BCL11A: variants seen among roughly 807,000 people sequenced by gnomAD.
BCL11A encodes the protein BCL11 transcription factor A, also known as B cell CLL/lymphoma 11A.
A neutral mutation model predicts 55.9 loss-of-function variants in BCL11A; 2 were observed. That is an observed-to-expected ratio of 0.04 (90% CI 0.01 to 0.11). The LOEUF is 0.11. BCL11A is among the 10% of genes least tolerant of loss of function. BCL11A has a pLI of 1.00. For synonymous variants in BCL11A, 465 were observed against 473.4 expected, an observed-to-expected ratio of 0.98 and a Z score of 0.23; for missense variants, 817 against 1,137.1, an observed-to-expected ratio of 0.72 and a Z score of 4.05.
intron 2 of BCL11A, chr2:60,537,082 C>A (rs1272173883): frequency 6.6e-6 from 1 of 152,200 alleles, no homozygotes; most frequent in Non-Finnish European, 1.5e-5. Flanking sequence ...TTTGAAGCTG[C>A]TCAAATGTTT....
chr2:60,475,175 TCATC>T (rs1677509885), intron 2 of BCL11A, among the ~76,000 whole-genome samples: 1 of 152,236 alleles, frequency 6.6e-6, no homozygotes, highest in South Asian at 2.1e-4. Flanking sequence ...GCACACTGAT[TCATC>T]CAGTTGACAG....
chr2:60,471,787 A>AC (rs1028601007), intron 2 of BCL11A, among the ~76,000 whole-genome samples: 15 of 152,162 alleles, frequency 9.9e-5, no homozygotes, highest in Admixed American at 2.0e-4. Context: ...CACAGCGCAG[A>AC]CCCAGGCCCA....
intron 2 of BCL11A, chr2:60,524,848 G>A (rs1200436745): frequency 6.6e-6 from 1 of 152,158 alleles, no homozygotes; most frequent in Non-Finnish European, 1.5e-5. Flanking sequence ...AATGGTATTT[G>A]CTGGACAGTG....
intron 3 of BCL11A, among the ~76,000 whole-genome samples, chr2:60,467,860 G>C (rs1388650367): frequency 2.6e-5 from 3 of 116,862 alleles, no homozygotes; most frequent in African/African-American, 3.2e-5. Context: ...TACTGGTGGT[G>C]ATGGTACTGG....
intron 2 of BCL11A, among the ~76,000 whole-genome samples, chr2:60,505,379 C>T (rs1165257164): frequency 6.6e-6 from 1 of 152,224 alleles, no homozygotes; most frequent in African/African-American, 2.4e-5. Context: ...TTTGTCAGGA[C>T]TTGTAGGTGA....
chr2:60,515,907 G>C (rs945267613), intron 2 of BCL11A, among the ~76,000 whole-genome samples: 3 of 152,202 alleles, frequency 2.0e-5, no homozygotes, highest in Non-Finnish European at 4.4e-5. Context: ...AAGTGAACAA[G>C]TCAATTCGAG....
intron 2 of BCL11A, among the ~76,000 whole-genome samples, chr2:60,507,954 C>T (rs1424586037): frequency 1.3e-5 from 2 of 152,148 alleles, no homozygotes; most frequent in African/African-American, 2.4e-5. Context: ...ACATATTACA[C>T]ACGCAGATTT....
intron 2 of BCL11A, among the ~76,000 whole-genome samples, chr2:60,515,581 T>C (rs1668693728): frequency 1.3e-5 from 2 of 152,168 alleles, no homozygotes; most frequent in Non-Finnish European, 2.9e-5. Context: ...CCTTCCTAGT[T>C]ACCTAGAAAA....
chr2:60,498,509 C>CA (rs1386490528), intron 2 of BCL11A, among the ~76,000 whole-genome samples: 4 of 152,244 alleles, frequency 2.6e-5, no homozygotes, highest in Admixed American at 6.5e-5. Flanking sequence ...ACCAGGAAGG[C>CA]AATGGGCTGC....
rs1676095135 is a variant in BCL11A at position 60,459,159 on chromosome 2, C to G, written c.*1245G>C. ...ATTATTTTCTTCTGTTCCCCTCTGTCAAACCTTATTGTCAGCCTCTTCCTT... is the reference window on the plus strand; with the variant it reads ...ATTATTTTCTTCTGTTCCCCTCTGTGAAACCTTATTGTCAGCCTCTTCCTT... On this transcript the variant is annotated 3_prime_UTR_variant, in exon 4 of 4. Transcript: ENST00000642384. 9.8e-7 allele frequency: 1 copy of G among 1,024,300 alleles called. No homozygotes were observed. The highest frequency in any genetic ancestry group is 5.8e-5 in the Admixed American group (1 of 17,306). The allele number at this position is 1,024,300 out of a possible 1,614,324, so 63.5% of individuals were successfully genotyped here.
At chr2:60,512,785 T>C (rs1668538177) in intron 2 of BCL11A, among the ~76,000 whole-genome samples, 1 of 152,216 alleles carries the variant, frequency 6.6e-6, no homozygotes, top group Non-Finnish European at 1.5e-5. Context: ...GTTTATTCTC[T>C]TTTAGTGTCT....
intron 2 of BCL11A, among the ~76,000 whole-genome samples, chr2:60,517,149 T>A (rs1668768392): frequency 6.6e-6 from 1 of 152,142 alleles, no homozygotes; most frequent in Non-Finnish European, 1.5e-5. Flanking sequence ...TTGAGAGGTG[T>A]CTTTAAAAAT....
chr2:60,457,340 G>A lies in BCL11A; in HGVS notation c.*3064C>T, dbSNP rs1320208534. ...AGAAACAAATACAATAAAAAGCCAGGTTGTAATGACCTTTGGTCATCTAAA... is the reference window on the plus strand; with the variant it reads ...AGAAACAAATACAATAAAAAGCCAGATTGTAATGACCTTTGGTCATCTAAA... On this transcript the variant is annotated 3_prime_UTR_variant, in exon 4 of 4. Transcript: ENST00000642384. The A allele has an allele frequency of 2.6e-5, 27 of 1,020,800 alleles. No individual in the cohort carries two copies. Among genetic ancestry groups the A allele is most frequent in the Non-Finnish European group, 2.9e-5 (25 of 849,940 alleles). 63.2% of individuals were successfully genotyped at this position (1,020,800 alleles called of 1,614,324 possible).
In BCL11A at chr2:60,461,445, C is replaced by A. The variant is rs141406273; in HGVS notation, c.1467G>T (p.Glu489Asp). Residue 489 changes from glutamate (E) to aspartate (D), a missense_variant, in exon 4 of 4, where the codon GAG becomes GAT. Glu to Asp is a conservative substitution (Grantham distance 45). Transcript: ENST00000642384. ...IPENGDEEEE[E>D]DDEEEEEEEE... ...CCTCTTCTTCCTCTTCCTCGTCGTC[C>A]TCCTCTTCCTCCTCGTCCCCGTTCT... 1.0e-4 allele frequency: 163 copies of A among 1,603,738 alleles called. 2 individuals carry two copies. In the African/African-American group the frequency reaches 1.8e-3, roughly 18 times the overall value.
intron 2 of BCL11A, among the ~76,000 whole-genome samples, chr2:60,509,445 G>A (rs1036920958): frequency 2.0e-5 from 3 of 152,166 alleles, no homozygotes; most frequent in Non-Finnish European, 4.4e-5. Context: ...ACGGTTCTGT[G>A]GAAGCACAAG....
At chr2:60,488,836 C>T (rs953135598) in intron 2 of BCL11A, among the ~76,000 whole-genome samples, 2 of 152,146 alleles carry the variant, frequency 1.3e-5, no homozygotes, top group Non-Finnish European at 2.9e-5. Context: ...CTCGGCTCAC[C>T]GCAATCTCCG....
Position 60,457,198 on chromosome 2 carries a change from C to T in BCL11A, c.*3206G>A, listed in dbSNP as rs1675980523. ...GGACACAAGAAGCTTACAATGTGTA[C>T]TTTAATTTTTTTTATTTTTTCAATA... On this transcript the variant is annotated 3_prime_UTR_variant, in exon 4 of 4. Transcript: ENST00000642384. The T allele has an allele frequency of 1.0e-6, 1 of 991,904 alleles. No individual in the cohort carries two copies. The highest frequency in any genetic ancestry group is 1.2e-6 in the Non-Finnish European group (1 of 828,650). 61.4% of individuals were successfully genotyped at this position (991,904 alleles called of 1,614,324 possible).
At chr2:60,517,738 G>A (rs1213429049) in intron 2 of BCL11A, among the ~76,000 whole-genome samples, 7 of 152,194 alleles carry the variant, frequency 4.6e-5, no homozygotes, top group African/African-American at 1.4e-4. Context: ...AGTAGACTCT[G>A]GCACTCACTC....
chr2:60,472,886 G>A (rs999072261), intron 2 of BCL11A, among the ~76,000 whole-genome samples: 4 of 152,186 alleles, frequency 2.6e-5, no homozygotes, highest in Admixed American at 1.3e-4. Flanking sequence ...ATTCCAACAC[G>A]TTTAATGACT....
Sources: gnomAD v4.1 joint callset for allele counts (sites outside exome capture counted in the v4.1 genomes callset) on GRCh38, gnomAD v4.1.1 for gene constraint, MANE v1.5 for transcripts, NCBI Gene and HGNC (gene_info 2026-07-23, HGNC 2026-07-21) for gene names.